KCNMA1: variants seen among roughly 807,000 people sequenced by gnomAD.
KCNMA1 encodes the protein potassium calcium-activated channel subfamily M alpha 1, also known as Calcium-activated potassium channel subunit alpha-1.
A neutral mutation model predicts 140.0 loss-of-function variants in KCNMA1; 29 were observed. The observed-to-expected ratio is 0.21, with a 90% CI of 0.15 to 0.28. KCNMA1 has a LOEUF of 0.28. Among genes scored for constraint, KCNMA1 ranks in the 10% least tolerant of loss-of-function variants. KCNMA1 has a pLI of 1.00. For missense variants in KCNMA1, 880 were observed against 1,602.2 expected, an observed-to-expected ratio of 0.55 and a Z score of 7.70; for synonymous variants, 612 against 611.9, an observed-to-expected ratio of 1.00 and a Z score of 0.00.
At chr10:77,137,881 A>G (rs1188168455) in intron 5 of KCNMA1, among the ~76,000 whole-genome samples, 2 of 152,166 alleles carry the variant, frequency 1.3e-5, no homozygotes, top group Admixed American at 6.5e-5. Flanking sequence ...TCCTGGGCTC[A>G]AGTGATCCTC....
rs1304101114 is a variant in KCNMA1, at chr10:77,441,295, C to T, written c.379-37272G>A. ...CAGTAGAGTAGAGGAGCATCATGACCCAAATGTCTGCTGATGACACACTGG... is the reference window on the plus strand; with the variant it reads ...CAGTAGAGTAGAGGAGCATCATGACTCAAATGTCTGCTGATGACACACTGG... On this transcript the variant is annotated intron_variant, in intron 1 of 27. Transcript: ENST00000286628. 2.6e-5 allele frequency among the ~76,000 whole-genome samples: 4 copies of T among 151,984 alleles called. 1 individual carries two copies. Among genetic ancestry groups the T allele is most frequent in the Admixed American group, 2.6e-4 (4 of 15,262 alleles).
At chr10:77,312,258 G>T (rs971578919) in intron 2 of KCNMA1, among the ~76,000 whole-genome samples, 2 of 152,234 alleles carry the variant, frequency 1.3e-5, no homozygotes, top group Non-Finnish European at 2.9e-5. Flanking sequence ...AATTTTGGCT[G>T]ATTGACCAAA....
intron 11 of KCNMA1, among the ~76,000 whole-genome samples, chr10:77,085,168 T>G (rs2096663562): frequency 6.6e-6 from 1 of 152,242 alleles, no homozygotes; most frequent in African/African-American, 2.4e-5. Context: ...ATGTACACTC[T>G]GAAGTCCTTC....
rs1258081287 is a variant in KCNMA1, at chr10:77,223,016, T to A, written c.602+28179A>T. 2.0e-5 allele frequency among the ~76,000 whole-genome samples: 3 copies of A among 151,950 alleles called. 1 individual carries two copies. The highest frequency in any genetic ancestry group is 2.0e-4 in the Admixed American group (3 of 15,256). On this transcript the variant is annotated intron_variant, in intron 3 of 27. Coordinates refer to ENST00000286628, the MANE Select transcript of KCNMA1 (RefSeq NM_001161352.2). ...AGGCTGAGGCAGGCAGATCACAAGG[T>A]CAGGAGTTCGAGACCAGCCTGGCCA...
chr10:76,886,600 C>T lies in KCNMA1; in HGVS notation c.*666G>A. 3 of 988,846 alleles carry T rather than the reference C, an allele frequency of 3.0e-6. No individual in the cohort carries two copies. Among genetic ancestry groups the T allele is most frequent in the Non-Finnish European group, 3.6e-6 (3 of 832,156 alleles). 61.3% of individuals were successfully genotyped at this position (988,846 alleles called of 1,614,324 possible). On this transcript the variant is annotated 3_prime_UTR_variant, in exon 28 of 28. Transcript: ENST00000286628. ...GGTGAGAAATGTTCATAAGAACTCC[C>T]AGAGGGAACTGGCTCTGGGACAAAA...
intron 1 of KCNMA1, among the ~76,000 whole-genome samples, chr10:77,526,710 T>C (rs2055821221): frequency 6.6e-6 from 1 of 152,212 alleles, no homozygotes; most frequent in South Asian, 2.1e-4. Context: ...TTTCTGAGCT[T>C]TCAAAGTGTT....
At chr10:77,248,651 T>A (rs1389324482) in intron 3 of KCNMA1, among the ~76,000 whole-genome samples, 1 of 152,162 alleles carries the variant, frequency 6.6e-6, no homozygotes, top group Non-Finnish European at 1.5e-5. Context: ...AAGACATGGA[T>A]TTTAAGAATG....
At chr10:76,935,918 G>A (rs776794451) in intron 23 of KCNMA1, among the ~76,000 whole-genome samples, 16 of 152,152 alleles carry the variant, frequency 1.1e-4, no homozygotes, top group Non-Finnish European at 2.1e-4. Flanking sequence ...TGCATGGAGG[G>A]CATAAAACCC....
chr10:77,152,812 C>A lies in KCNMA1; in HGVS notation c.808+30609G>T, dbSNP rs186026991. Reference sequence around the variant, plus strand: ...CGGGTCTGGGTTGCGGTGACAGGCACCAACAGGGCCAGCCTCCCAGGAATA... The same window carrying A: ...CGGGTCTGGGTTGCGGTGACAGGCAACAACAGGGCCAGCCTCCCAGGAATA... On this transcript the variant is annotated intron_variant, in intron 5 of 27. Transcript: ENST00000286628. Among the ~76,000 whole-genome samples, 4 of 152,312 alleles carry A rather than the reference C, an allele frequency of 2.6e-5. No homozygotes were observed. In the South Asian group the frequency reaches 8.3e-4, roughly 32 times the overall value.
At chr10:77,168,225 A>C (rs1174184411) in intron 5 of KCNMA1, among the ~76,000 whole-genome samples, 1 of 152,190 alleles carries the variant, frequency 6.6e-6, no homozygotes, top group Non-Finnish European at 1.5e-5. Flanking sequence ...TACAGCAAGT[A>C]AGACAGGTCA....
intron 14 of KCNMA1, among the ~76,000 whole-genome samples, chr10:77,039,852 G>GTGAT (rs1255636201): frequency 7.5e-6 from 1 of 133,084 alleles, no homozygotes; most frequent in Non-Finnish European, 1.7e-5. Context: ...TTTAACCTGT[G>GTGAT]TGATTTCTTT....
At chr10:77,287,783 T>C (rs1052422315) in intron 2 of KCNMA1, among the ~76,000 whole-genome samples, 9 of 152,242 alleles carry the variant, frequency 5.9e-5, no homozygotes, top group Admixed American at 5.2e-4. Flanking sequence ...ACACATTAAC[T>C]CAAAGGGCTG....
At chr10:77,104,366 T>A (rs953037897) in intron 9 of KCNMA1, among the ~76,000 whole-genome samples, 1 of 152,176 alleles carries the variant, frequency 6.6e-6, no homozygotes, top group Admixed American at 6.5e-5. Flanking sequence ...GGTTAGTCCA[T>A]GACAACTATT....
chr10:77,086,238 G>A (rs1413317420), intron 11 of KCNMA1, among the ~76,000 whole-genome samples: 2 of 152,140 alleles, frequency 1.3e-5, no homozygotes, highest in African/African-American at 2.4e-5. Context: ...ATCCAGCAAA[G>A]CAAGTTTCAT....
chr10:76,982,212 G>A (rs1447247021), intron 19 of KCNMA1, among the ~76,000 whole-genome samples: 6 of 151,604 alleles, frequency 4.0e-5, no homozygotes, highest in African/African-American at 9.7e-5. Context: ...ACGAATATAC[G>A]AACTCATAAG....
At position 77,090,692 on chromosome 10, in the gene KCNMA1, G is replaced by A. The variant is rs530222097; in HGVS notation, c.1224-182C>T. The A allele has an allele frequency of 1.1e-5, 7 of 621,510 alleles. No homozygotes were observed. In the South Asian group the frequency reaches 1.1e-4, roughly 10 times the overall value. 38.5% of individuals were successfully genotyped at this position (621,510 alleles called of 1,614,324 possible). On this transcript the variant is annotated intron_variant, in intron 9 of 27. Coordinates refer to ENST00000286628, the MANE Select transcript of KCNMA1 (RefSeq NM_001161352.2). ...TGAGGCAAAGCAGCGGTGCTAGCAGGTGCTGAGACTCCTAGACAGAAAAGC... is the reference window on the plus strand; with the variant it reads ...TGAGGCAAAGCAGCGGTGCTAGCAGATGCTGAGACTCCTAGACAGAAAAGC...
chr10:77,046,297 A>C (rs149528622), intron 14 of KCNMA1, among the ~76,000 whole-genome samples: 78 of 152,342 alleles, frequency 5.1e-4, no homozygotes, highest in African/African-American at 1.9e-3. Context: ...TGTCCTTTAT[A>C]ATAAGATTGT....
At position 76,885,108 on chromosome 10, in the gene KCNMA1, G is replaced by C; in HGVS notation, c.*2158C>G. 6.6e-7 allele frequency: 1 copy of C among 1,509,642 alleles called. No individual in the cohort carries two copies. The allele number at this position is 1,509,642 out of a possible 1,614,324, so 93.5% of individuals were successfully genotyped here. On this transcript the variant is annotated 3_prime_UTR_variant, in exon 28 of 28. Transcript: ENST00000286628. ...GCACTTTAACTGGCACATTCTTATA[G>C]TTATAAATGTTCTGAGGGCGTAACT... is the stretch of plus-strand genomic sequence containing the variant.
intron 1 of KCNMA1, among the ~76,000 whole-genome samples, chr10:77,544,534 A>G (rs927539134): frequency 2.0e-5 from 3 of 152,066 alleles, no homozygotes; most frequent in Admixed American, 1.3e-4. Flanking sequence ...CAGGACCACA[A>G]ATTTTCTTTC....
Sources: allele counts gnomAD v4.1 joint callset (sites outside exome capture counted in the v4.1 genomes callset), GRCh38; gene constraint gnomAD v4.1.1; transcripts MANE v1.5; gene names NCBI Gene and HGNC (gene_info 2026-07-23, HGNC 2026-07-21).